Variants in SP100 observed in about 807,000 individuals in gnomAD.
The protein encoded by SP100 is nuclear autoantigen Sp-100.
In SP100, 84 loss-of-function variants were observed where a neutral mutation model predicts 130.0. The observed-to-expected ratio is 0.65, with a 90% CI of 0.54 to 0.77. SP100 has a LOEUF of 0.77. SP100 is among the 30% of genes least tolerant of loss of function. The pLI is 0.00. For synonymous variants in SP100, 331 were observed against 351.7 expected (o/e 0.94, Z 0.66); for missense variants, 978 against 1,052.2 (o/e 0.93, Z 0.97).
intron 8 of SP100, among the ~76,000 whole-genome samples, chr2:230,454,715 CT>C (rs1271654421): frequency 8.5e-5 from 13 of 152,108 alleles, no homozygotes; most frequent in Admixed American, 5.2e-4. Context: ...ATGATGTATC[CT>C]GTAGAATGTC....
chr2:230,512,275 C>A (rs76690292), intron 24 of SP100, among the ~76,000 whole-genome samples: 6 of 123,864 alleles, frequency 4.8e-5, no homozygotes, highest in Admixed American at 4.4e-4. Context: ...AATTGAAATG[C>A]CTTTTTTTTT....
intron 27 of SP100, among the ~76,000 whole-genome samples, chr2:230,541,622 G>A (rs1692182303): frequency 6.6e-6 from 1 of 152,184 alleles, no homozygotes; most frequent in Non-Finnish European, 1.5e-5. Flanking sequence ...AGGTGTCAGA[G>A]ACGACACAGG....
At chr2:230,417,459 A>C (rs2062634207) in intron 1 of SP100, 132 bp from the exon 2 acceptor site, 14 of 1,163,906 alleles carry the variant, frequency 1.2e-5, no homozygotes, top group African/African-American at 1.6e-5. Context: ...AGCTATCATA[A>C]CAATGATTAT....
Position 230,443,260 on chromosome 2 carries a change from G to C in SP100, c.270+161G>C, listed in dbSNP as rs116177342. Among the ~76,000 whole-genome samples, 1,048 of 152,274 alleles carry C rather than the reference G, an allele frequency of 6.9e-3. 15 individuals are homozygous for C. Among genetic ancestry groups the C allele is most frequent in the African/African-American group, 0.024 (986 of 41,538 alleles). ...TTTCTGTAAGTGCTCCTGTAAAGTA[G>C]AAAAGGAGAGGAGAAGCAGAGGTCG... On this transcript the variant is annotated intron_variant, in intron 3 of 28. Coordinates refer to ENST00000340126, the MANE Select transcript of SP100 (RefSeq NM_001080391.2).
chr2:230,436,876 ATAC>A (rs2063288105), intron 2 of SP100, among the ~76,000 whole-genome samples: 2 of 151,168 alleles, frequency 1.3e-5, no homozygotes, highest in Non-Finnish European at 2.9e-5. Flanking sequence ...GTATATGTGT[ATAC>A]ACACACATAT....
At chr2:230,417,690 G>T in intron 2 of SP100, 25 bp downstream of exon 2, 2 of 1,598,860 alleles carry the variant, frequency 1.3e-6, no homozygotes, top group African/African-American at 1.3e-5. Flanking sequence ...GTTATGTCTT[G>T]TTTTAATTTG....
intron 11 of SP100, 24 bp downstream of exon 11, chr2:230,464,174 C>A (rs372490223): frequency 7.2e-7 from 1 of 1,391,632 alleles, no homozygotes; most frequent in Non-Finnish European, 1.0e-6. Context: ...AGTTGCAACC[C>A]GAGACTGTAG....
At chr2:230,448,007 G>C (rs2063783865) in intron 5 of SP100, among the ~76,000 whole-genome samples, 1 of 152,220 alleles carries the variant, frequency 6.6e-6, no homozygotes, top group Non-Finnish European at 1.5e-5. Flanking sequence ...ATGAATAACA[G>C]AAAGTGCTCT....
intron 8 of SP100, among the ~76,000 whole-genome samples, chr2:230,456,004 A>G (rs1054821817): frequency 1.3e-5 from 2 of 152,172 alleles, no homozygotes; most frequent in Non-Finnish European, 2.9e-5. Flanking sequence ...TATTTACTTT[A>G]CCAGTTAGTT....
chr2:230,520,335 T>C (rs1691113859), intron 24 of SP100, among the ~76,000 whole-genome samples: 1 of 152,150 alleles, frequency 6.6e-6, no homozygotes, highest in Non-Finnish European at 1.5e-5. Flanking sequence ...CCCTCCCTCA[T>C]GCACTCAAAA....
At chr2:230,416,818 A>C in intron 1 of SP100, 5 of 985,732 alleles carry the variant, frequency 5.1e-6, no homozygotes, top group Non-Finnish European at 6.0e-6. Context: ...TGACTGGCTC[A>C]GGGTCTGAGT....
intron 21 of SP100, 63 bp from the exon 22 acceptor site, chr2:230,506,240 T>G: frequency 5.1e-6 from 8 of 1,582,590 alleles, no homozygotes; most frequent in Non-Finnish European, 6.9e-6. Context: ...GACCCCAGCA[T>G]GGGGGGAGGC....
At chr2:230,482,945 A>G (rs1016491675) in intron 17 of SP100, among the ~76,000 whole-genome samples, 2 of 152,156 alleles carry the variant, frequency 1.3e-5, no homozygotes, top group Admixed American at 6.5e-5. Context: ...TTTTTATTGA[A>G]ATTGCATAGA....
Position 230,474,462 on chromosome 2 carries a change from G to A in SP100, c.1600+15G>A. 1 of 1,192,432 alleles carries A rather than the reference G, an allele frequency of 8.4e-7. No individual in the cohort carries two copies. The highest frequency in any genetic ancestry group is 1.2e-6 in the Non-Finnish European group (1 of 816,378). 73.9% of individuals were successfully genotyped at this position (1,192,432 alleles called of 1,614,324 possible). A position where few individuals can be genotyped will look rare whatever the true frequency, so the allele number is the denominator to read the frequency against. On this transcript the variant is annotated intron_variant, in intron 17 of 28. Transcript: ENST00000340126. Reference sequence around the variant, plus strand: ...TGGGAAAAGAAGTAAGAACAAATAAGAATTTACTTAATTTTTATGTTACAA... The same window carrying A: ...TGGGAAAAGAAGTAAGAACAAATAAAAATTTACTTAATTTTTATGTTACAA...
intron 17 of SP100, among the ~76,000 whole-genome samples, chr2:230,481,563 T>A (rs2065834311): frequency 6.6e-6 from 1 of 152,122 alleles, no homozygotes; most frequent in African/African-American, 2.4e-5. Context: ...TACCGCAGAG[T>A]CCTCCTAAAT....
At chr2:230,458,474 A>G (rs1399045698) in intron 8 of SP100, among the ~76,000 whole-genome samples, 18 of 152,222 alleles carry the variant, frequency 1.2e-4, no homozygotes, top group Admixed American at 1.1e-3. Flanking sequence ...GGACTCATGT[A>G]GTTCAAGCCC....
chr2:230,449,149 T>C lies in SP100; in HGVS notation c.585T>C (p.Ala195=), dbSNP rs1423649780. The change falls in exon 6 of 29, where the codon GCT becomes GCC. Residue 195 remains alanine (A), a splice_region_variant and synonymous_variant. Transcript: ENST00000340126. The stretch of plus-strand genomic sequence containing the variant: ...CACCTTCGGGTTCCCCATCTCATGC[T>C]GGTTTGTTCCTGTTTACTACTCTTT... The part of the protein sequence containing the change: ...TWPPSGSPSH[A]GTTPPENGLS... 6.2e-7 allele frequency: 1 copy of C among 1,614,122 alleles called. No individual in the cohort carries two copies. The highest frequency in any genetic ancestry group is 1.7e-5 in the Admixed American group (1 of 60,032).
intron 17 of SP100, among the ~76,000 whole-genome samples, chr2:230,478,746 G>C (rs1224557234): frequency 6.6e-6 from 1 of 152,106 alleles, no homozygotes; most frequent in Non-Finnish European, 1.5e-5. Flanking sequence ...TAAGCCCGTG[G>C]AGCTCAATGT....
intron 24 of SP100, chr2:230,514,939 G>C: frequency 2.4e-6 from 3 of 1,257,316 alleles, no homozygotes; most frequent in South Asian, 3.1e-5. Flanking sequence ...AGTACATTGA[G>C]CTCCATAGAG....
Sources: allele counts gnomAD v4.1 joint callset (sites outside exome capture counted in the v4.1 genomes callset), GRCh38; gene constraint gnomAD v4.1.1; transcripts MANE v1.5; gene names NCBI Gene and HGNC (gene_info 2026-07-23, HGNC 2026-07-21).